KCNMA1: variants seen among roughly 807,000 people sequenced by gnomAD.
The protein encoded by KCNMA1 is Calcium-activated potassium channel subunit alpha-1.
In KCNMA1, 29 loss-of-function variants were observed where a neutral mutation model predicts 140.0. The observed-to-expected ratio is 0.21, with a 90% CI of 0.15 to 0.28. The LOEUF is 0.28. Ranked by LOEUF, KCNMA1 falls within the 10% of genes least tolerant of loss-of-function variation. The probability of loss-of-function intolerance (pLI) is 1.00; values close to 1 mark genes in which losing one functional copy is unlikely to be tolerated. For synonymous variants in KCNMA1, 612 were observed against 611.9 expected, an observed-to-expected ratio of 1.00 and a Z score of 0.00; for missense variants, 880 against 1,602.2, an observed-to-expected ratio of 0.55 and a Z score of 7.70.
At chr10:77,324,971 C>CTCTCTCTGTGTGTGTGTG (rs766240356) in intron 2 of KCNMA1, among the ~76,000 whole-genome samples, 4 of 90,378 alleles carry the variant, frequency 4.4e-5, no homozygotes, top group Admixed American at 1.2e-4. Context: ...CTCTCTCTCT[C>CTCTCTCTGTGTGTGTGTG]TGTGTGTGTG....
intron 2 of KCNMA1, among the ~76,000 whole-genome samples, chr10:77,393,107 G>A (rs373222243): frequency 6.6e-6 from 1 of 152,208 alleles, no homozygotes; most frequent in East Asian, 1.9e-4. Context: ...CAGCTGCAAA[G>A]AGGACGCAGC....
At chr10:76,949,606 C>A in intron 21 of KCNMA1, 1 of 556,022 alleles carries the variant, frequency 1.8e-6, no homozygotes, top group Non-Finnish European at 3.2e-6. Context: ...CACATTGCTA[C>A]CTTCTTTGAC....
intron 19 of KCNMA1, among the ~76,000 whole-genome samples, chr10:76,989,719 C>T (rs1219955483): frequency 6.6e-6 from 1 of 151,868 alleles, no homozygotes; most frequent in Non-Finnish European, 1.5e-5. Flanking sequence ...TTATACTAAG[C>T]TGTTCAACTC....
rs529455358 is a variant in KCNMA1, at chr10:77,467,448, C to A, written c.379-63425G>T. Among the ~76,000 whole-genome samples the A allele has an allele frequency of 3.9e-5, 6 of 152,280 alleles. No homozygotes were observed. The East Asian group carries it at 1.2e-3, about 29-fold the overall frequency. On this transcript the variant is annotated intron_variant, in intron 1 of 27. Transcript: ENST00000286628. ...GGGGATCCCAAGGGACTCCAGGGTG[C>A]CAGTGCGATGATCCAACAGGGTTCC...
intron 5 of KCNMA1, among the ~76,000 whole-genome samples, chr10:77,169,602 T>C (rs1484276913): frequency 6.6e-6 from 1 of 151,960 alleles, no homozygotes; most frequent in Non-Finnish European, 1.5e-5. Flanking sequence ...CTGTGTTGCC[T>C]AGGCTGGCCT....
chr10:77,122,470 G>A (rs1188048570), intron 5 of KCNMA1, among the ~76,000 whole-genome samples: 1 of 152,000 alleles, frequency 6.6e-6, no homozygotes, highest in East Asian at 1.9e-4. Flanking sequence ...ATGAAAGGCT[G>A]ACTTAGCACC....
chr10:76,892,516 A>G (rs1269444762), intron 25 of KCNMA1, among the ~76,000 whole-genome samples: 1 of 152,228 alleles, frequency 6.6e-6, no homozygotes, highest in African/African-American at 2.4e-5. Flanking sequence ...TTCTCAGGTA[A>G]GGGTGTGCAT....
At chr10:77,429,076 G>A (rs1322475442) in intron 1 of KCNMA1, among the ~76,000 whole-genome samples, 2 of 152,198 alleles carry the variant, frequency 1.3e-5, no homozygotes, top group Admixed American at 1.3e-4. Flanking sequence ...TGGGTCTGGT[G>A]CCAGAAATGT....
chr10:77,087,375 A>G (rs1396527612), intron 10 of KCNMA1, among the ~76,000 whole-genome samples: 10 of 152,220 alleles, frequency 6.6e-5, no homozygotes, highest in African/African-American at 2.4e-4. Context: ...ATATATCTGT[A>G]TTAGATATAT....
At chr10:77,000,694 T>G (rs1319892308) in intron 19 of KCNMA1, among the ~76,000 whole-genome samples, 1 of 151,596 alleles carries the variant, frequency 6.6e-6, no homozygotes, top group East Asian at 1.9e-4. Flanking sequence ...ATAAAAGATA[T>G]TAATGGAACA....
intron 1 of KCNMA1, among the ~76,000 whole-genome samples, chr10:77,411,704 T>G (rs2154476689): frequency 6.6e-6 from 1 of 152,306 alleles, no homozygotes; most frequent in East Asian, 1.9e-4. Context: ...TGGGTACTGC[T>G]TGTACCATCA....
At chr10:77,277,360 C>G (rs1046193818) in intron 2 of KCNMA1, among the ~76,000 whole-genome samples, 1 of 152,168 alleles carries the variant, frequency 6.6e-6, no homozygotes, top group Non-Finnish European at 1.5e-5. Flanking sequence ...GATAGCTTTT[C>G]CACGATGGGT....
In KCNMA1 at chr10:77,039,383, T is replaced by C. The variant is rs1053805387; in HGVS notation, c.1859+145A>G. ...GGCCATGTAATGACCCACCCTCCTA[T>C]TCATCACATGGGGCCGAGCACACGG... On this transcript the variant is annotated intron_variant, in intron 15 of 27. Coordinates refer to ENST00000286628, the MANE Select transcript of KCNMA1 (RefSeq NM_001161352.2). 3.4e-5 allele frequency: 24 copies of C among 698,626 alleles called. No individual in the cohort carries two copies. The African/African-American group carries it at 3.7e-4, about 11-fold the overall frequency. The allele number at this position is 698,626 out of a possible 1,614,324, so 43.3% of individuals were successfully genotyped here.
chr10:77,435,728 CA>C (rs2097249762), intron 1 of KCNMA1, among the ~76,000 whole-genome samples: 1 of 152,212 alleles, frequency 6.6e-6, no homozygotes, highest in African/African-American at 2.4e-5. Context: ...GGAAGAAAGA[CA>C]GCACCTAAAC....
intron 2 of KCNMA1, among the ~76,000 whole-genome samples, chr10:77,288,811 C>G (rs1054559705): frequency 2.6e-5 from 4 of 152,194 alleles, no homozygotes; most frequent in Non-Finnish European, 4.4e-5. Flanking sequence ...GCTACTGATA[C>G]TCGCATTTTA....
intron 2 of KCNMA1, among the ~76,000 whole-genome samples, chr10:77,363,168 C>T (rs1487240431): frequency 6.6e-6 from 1 of 151,714 alleles, no homozygotes; most frequent in African/African-American, 2.4e-5. Flanking sequence ...CTCCAGTTTA[C>T]TCCAGCTAAC....
At chr10:77,073,339 A>G in intron 13 of KCNMA1, 87 bp from the exon 14 acceptor site, 1 of 1,351,776 alleles carries the variant, frequency 7.4e-7, no homozygotes. Flanking sequence ...GCATTGCCCA[A>G]CCACTCAGGG....
At chr10:77,534,352 T>C (rs770289412) in intron 1 of KCNMA1, among the ~76,000 whole-genome samples, 1 of 152,158 alleles carries the variant, frequency 6.6e-6, no homozygotes, top group Non-Finnish European at 1.5e-5. Context: ...GAAGGCAGCA[T>C]ACAAAATTGG....
chr10:77,483,179 C>T (rs773033750), intron 1 of KCNMA1, among the ~76,000 whole-genome samples: 3 of 152,166 alleles, frequency 2.0e-5, no homozygotes, highest in Non-Finnish European at 4.4e-5. Context: ...TCCAGCAGCC[C>T]ACGGAGATTT....
Sources: gnomAD v4.1 joint callset for allele counts (sites outside exome capture counted in the v4.1 genomes callset) on GRCh38, gnomAD v4.1.1 for gene constraint, MANE v1.5 for transcripts, NCBI Gene and HGNC (gene_info 2026-07-23, HGNC 2026-07-21) for gene names.